The following EPS15L1 variants were observed in gnomAD, a reference collection of about 807,000 sequenced individuals.
EPS15L1 encodes epidermal growth factor receptor pathway substrate 15 like 1.
In EPS15L1, 43 loss-of-function variants were observed where a neutral mutation model predicts 117.1. The observed-to-expected ratio is 0.37, with a 90% CI of 0.29 to 0.47. The LOEUF (loss-of-function observed/expected upper bound fraction) is 0.47, where lower values mean the gene tolerates loss of function less well. EPS15L1 is among the 20% of genes least tolerant of loss of function. The pLI is 0.99. For synonymous variants in EPS15L1, 459 were observed against 470.5 expected, an observed-to-expected ratio of 0.98 and a Z score of 0.32; for missense variants, 981 against 1,164.0, an observed-to-expected ratio of 0.84 and a Z score of 2.29.
intron 21 of EPS15L1, among the ~76,000 whole-genome samples, chr19:16,378,330 T>C (rs1162993865): frequency 2.0e-5 from 3 of 152,038 alleles, no homozygotes; most frequent in Non-Finnish European, 4.4e-5. Context: ...CCCCTCACAA[T>C]GCCTCCTTAG....
intron 18 of EPS15L1, among the ~76,000 whole-genome samples, chr19:16,393,153 G>C (rs114473313): frequency 0.012 from 1,856 of 151,184 alleles, 37 homozygotes; most frequent in African/African-American, 0.043. Flanking sequence ...CATAGAGACA[G>C]AAAATAGGTT....
chr19:16,413,238 TG>T (rs2092724708), intron 13 of EPS15L1: 1 of 642,974 alleles, frequency 1.6e-6, no homozygotes, highest in Non-Finnish European at 2.8e-6. Flanking sequence ...CATTGTCCCT[TG>T]CAAGGTGACA....
chr19:16,375,270 ATG>A (rs1251148617), intron 22 of EPS15L1, among the ~76,000 whole-genome samples: 1 of 152,076 alleles, frequency 6.6e-6, no homozygotes, highest in Non-Finnish European at 1.5e-5. Context: ...ACCTGTATGC[ATG>A]TGTGTTCATG....
chr19:16,442,424 G>A (rs1478274392), intron 1 of EPS15L1, among the ~76,000 whole-genome samples: 1 of 152,146 alleles, frequency 6.6e-6, no homozygotes, highest in African/African-American at 2.4e-5. Context: ...GAAAAAGTAA[G>A]CTTAATGTTC....
intron 21 of EPS15L1, chr19:16,384,217 G>C (rs1478648793): frequency 6.6e-6 from 1 of 152,272 alleles, no homozygotes; most frequent in Non-Finnish European, 1.5e-5. Context: ...CTGCCGAGAA[G>C]GGACAGAGTG....
chr19:16,447,364 A>G (rs1021017318), intron 1 of EPS15L1, among the ~76,000 whole-genome samples: 1 of 152,242 alleles, frequency 6.6e-6, no homozygotes, highest in Non-Finnish European at 1.5e-5. Context: ...CCAAATCACA[A>G]GGAAAAAGAC....
intron 22 of EPS15L1, among the ~76,000 whole-genome samples, chr19:16,362,497 C>T (rs1230803264): frequency 7.2e-6 from 1 of 138,618 alleles, no homozygotes; most frequent in African/African-American, 2.7e-5. Context: ...CTCTGCCATG[C>T]TGAGGTTTAA....
At chr19:16,422,987 C>T (rs1364876442) in intron 9 of EPS15L1, among the ~76,000 whole-genome samples, 4 of 151,238 alleles carry the variant, frequency 2.6e-5, no homozygotes, top group African/African-American at 9.7e-5. Context: ...GGGGATTTCT[C>T]AAAGAGTTCT....
rs2092384195 is a variant in EPS15L1, at chr19:16,383,393, G to A, written c.2247+1736C>T. On this transcript the variant is annotated intron_variant, in intron 21 of 23. Coordinates refer to ENST00000455140, the MANE Select transcript of EPS15L1 (RefSeq NM_001258374.3). The surrounding 1 kb of genome is among the most constrained non-coding windows in gnomAD (Gnocchi z 5.2). ...ACAGATCCAGCCTCCCAAAGGAAGA[G>A]GAGTCCACTTGCGACAACCAGAAAC... is the stretch of plus-strand genomic sequence containing the variant. 6.6e-6 allele frequency: 1 copy of A among 152,250 alleles called. No homozygotes were observed. Among genetic ancestry groups the A allele is most frequent in the African/African-American group, 2.4e-5 (1 of 41,458 alleles). The allele number at this position is 152,250 out of a possible 1,614,324, so 9.4% of individuals were successfully genotyped here. A position where few individuals can be genotyped will look rare whatever the true frequency, so the allele number is the denominator to read the frequency against.
At chr19:16,410,679 G>C (rs2092698591) in intron 13 of EPS15L1, among the ~76,000 whole-genome samples, 1 of 152,212 alleles carries the variant, frequency 6.6e-6, no homozygotes. Context: ...GGAGGCCGAG[G>C]CAGGCAGATT....
intron 16 of EPS15L1, 86 bp from the exon 17 acceptor site, chr19:16,395,553 C>T (rs1456791143): frequency 2.2e-6 from 3 of 1,351,444 alleles, no homozygotes; most frequent in Middle Eastern, 4.0e-4. Flanking sequence ...ACTCACATTT[C>T]CACTTTGAGT....
intron 16 of EPS15L1, chr19:16,402,039 C>A: frequency 8.5e-7 from 1 of 1,176,152 alleles, no homozygotes; most frequent in South Asian, 3.4e-5. Flanking sequence ...GTGGTTGGCC[C>A]AATGTAAATA....
chr19:16,422,974 G>T (rs970136409), intron 9 of EPS15L1, among the ~76,000 whole-genome samples: 4 of 150,494 alleles, frequency 2.7e-5, no homozygotes, highest in South Asian at 2.1e-4. Context: ...AAAAAAAGGG[G>T]GGGGGGATTT....
At chr19:16,361,634 G>A in intron 23 of EPS15L1, 145 bp downstream of exon 23, 1 of 1,387,222 alleles carries the variant, frequency 7.2e-7, no homozygotes, top group Non-Finnish European at 9.4e-7. Flanking sequence ...TGGCAGTGTA[G>A]AATAAATAAC....
Position 16,355,561 on chromosome 19 carries a change from C to T in EPS15L1, c.*144G>A. On this transcript the variant is annotated 3_prime_UTR_variant, in exon 24 of 24. Coordinates refer to ENST00000455140, the MANE Select transcript of EPS15L1 (RefSeq NM_001258374.3). ...GATGTGACCTTTCCAGGTCTTGCAG[C>T]CGAGTCTGCTCACCCTGAACAAGCC... The T allele has an allele frequency of 9.4e-7, 1 of 1,067,192 alleles. No individual in the cohort carries two copies. 66.1% of individuals were successfully genotyped at this position (1,067,192 alleles called of 1,614,324 possible).
At chr19:16,419,288 G>T (rs369755619) in intron 10 of EPS15L1, among the ~76,000 whole-genome samples, 3 of 152,092 alleles carry the variant, frequency 2.0e-5, no homozygotes, top group Admixed American at 2.0e-4. Context: ...GGGAAATCCC[G>T]CCTCTACTAA....
chr19:16,364,323 C>G (rs539726135), intron 22 of EPS15L1, among the ~76,000 whole-genome samples: 1 of 152,206 alleles, frequency 6.6e-6, no homozygotes, highest in Non-Finnish European at 1.5e-5. Flanking sequence ...GCCCAGCCCA[C>G]GCGGGCAGGA....
chr19:16,398,064 C>G (rs1034733775), intron 16 of EPS15L1, among the ~76,000 whole-genome samples: 2 of 152,152 alleles, frequency 1.3e-5, no homozygotes, highest in African/African-American at 4.8e-5. Context: ...GAAATGACAT[C>G]AAAGGTCCAA....
intron 1 of EPS15L1, among the ~76,000 whole-genome samples, chr19:16,468,848 C>CA (rs924096559): frequency 2.0e-4 from 30 of 149,830 alleles, no homozygotes; most frequent in Middle Eastern, 3.4e-3. Flanking sequence ...TTCATCTCTT[C>CA]AAAAAAAAAA....
Sources: gnomAD v4.1 joint callset for allele counts (sites outside exome capture counted in the v4.1 genomes callset) on GRCh38, gnomAD v4.1.1 for gene constraint, Gnocchi (gnomAD v3.1) non-coding constraint, MANE v1.5 for transcripts, NCBI Gene and HGNC (gene_info 2026-07-23, HGNC 2026-07-21) for gene names.